Variants in PLCG2 observed in about 807,000 individuals in gnomAD.
The protein encoded by PLCG2 is 1-phosphatidylinositol 4,5-bisphosphate phosphodiesterase gamma-2.
A neutral mutation model predicts 175.6 loss-of-function variants in PLCG2; 69 were observed. The observed-to-expected ratio is 0.39, with a 90% CI of 0.32 to 0.48. The LOEUF (loss-of-function observed/expected upper bound fraction) is 0.48, where lower values mean the gene tolerates loss of function less well. Ranked by LOEUF, PLCG2 falls within the 20% of genes least tolerant of loss-of-function variation. The pLI is 0.91. For missense variants in PLCG2, 1,798 were observed against 1,650.9 expected, an observed-to-expected ratio of 1.09 and a Z score of -1.54; for synonymous variants, 827 against 624.0, an observed-to-expected ratio of 1.33 and a Z score of -4.85.
intron 7 of PLCG2, among the ~76,000 whole-genome samples, chr16:81,877,136 G>A (rs923066307): frequency 6.6e-6 from 1 of 152,204 alleles, no homozygotes; most frequent in Non-Finnish European, 1.5e-5. Context: ...GGCCGCTGTG[G>A]CAAGTACTGC....
rs1911732818 is a variant in PLCG2, at chr16:81,960,245, T to C, written c.*2247T>C. The C allele has an allele frequency of 9.1e-6, 2 of 220,246 alleles. No homozygotes were observed. The highest frequency in any genetic ancestry group is 2.2e-5 in the African/African-American group (1 of 44,598). 13.6% of individuals were successfully genotyped at this position (220,246 alleles called of 1,614,324 possible). ...CTGATTCTCTCAGGAAAGGCACACA[T>C]GGTATGATGGCTCTTCCCAGAGTCT... is the stretch of plus-strand genomic sequence containing the variant. On this transcript the variant is annotated 3_prime_UTR_variant, in exon 33 of 33. Coordinates refer to ENST00000564138, the MANE Select transcript of PLCG2 (RefSeq NM_002661.5).
chr16:81,828,029 G>C (rs12599032), intron 2 of PLCG2, among the ~76,000 whole-genome samples: 51,689 of 145,834 alleles, frequency 0.35, 9,601 homozygotes, highest in African/African-American at 0.49. Flanking sequence ...GGCGGAGCTT[G>C]CACTGAGCCG....
intron 30 of PLCG2, among the ~76,000 whole-genome samples, chr16:81,944,073 G>A (rs937351839): frequency 1.3e-5 from 2 of 152,202 alleles, no homozygotes. Context: ...ATATAAATTT[G>A]TACATTTCCT....
intron 5 of PLCG2, among the ~76,000 whole-genome samples, chr16:81,867,350 T>C (rs1204724857): frequency 1.3e-5 from 2 of 152,230 alleles, no homozygotes; most frequent in African/African-American, 4.8e-5. Flanking sequence ...TCTCATATTC[T>C]TGACCCACCC....
intron 2 of PLCG2, among the ~76,000 whole-genome samples, chr16:81,816,680 T>TAG (rs1904566808): frequency 7.6e-6 from 1 of 131,042 alleles, no homozygotes; most frequent in Admixed American, 7.8e-5. Context: ...TTTTTTTTTT[T>TAG]TAGTAGAGGT....
chr16:81,828,530 A>T (rs1337609138), intron 2 of PLCG2, among the ~76,000 whole-genome samples: 1 of 151,930 alleles, frequency 6.6e-6, no homozygotes, highest in African/African-American at 2.4e-5. Flanking sequence ...GAGCCACCGC[A>T]CCCGGCCGAG....
At chr16:81,866,230 C>T (rs1907228063) in intron 5 of PLCG2, among the ~76,000 whole-genome samples, 1 of 121,204 alleles carries the variant, frequency 8.3e-6, no homozygotes, top group African/African-American at 3.3e-5. Flanking sequence ...GGACGCTGGC[C>T]TCTCCCTTGC....
At position 81,800,323 on chromosome 16, in the gene PLCG2, C is replaced by A. The variant is rs540824922; in HGVS notation, c.193+14141C>A. The stretch of plus-strand genomic sequence containing the variant: ...ATCAGCTCATCACCTAGATATTAAG[C>A]CCTGCATGTATTAGCTATTTATTCT... On this transcript the variant is annotated intron_variant, in intron 2 of 32. Coordinates refer to ENST00000564138, the MANE Select transcript of PLCG2 (RefSeq NM_002661.5). 2.6e-5 allele frequency among the ~76,000 whole-genome samples: 4 copies of A among 152,298 alleles called. No individual in the cohort carries two copies. In the East Asian group the frequency reaches 5.8e-4, roughly 22 times the overall value.
At chr16:81,835,955 C>G (rs1272339811) in intron 2 of PLCG2, among the ~76,000 whole-genome samples, 1 of 152,192 alleles carries the variant, frequency 6.6e-6, no homozygotes, top group Non-Finnish European at 1.5e-5. Context: ...AGGACCCACC[C>G]TAATCCAGCA....
At chr16:81,815,551 C>G (rs998722802) in intron 2 of PLCG2, among the ~76,000 whole-genome samples, 1 of 152,198 alleles carries the variant, frequency 6.6e-6, no homozygotes, top group African/African-American at 2.4e-5. Flanking sequence ...GCTCTGTTGA[C>G]TACTCAGCCT....
At chr16:81,929,342 C>A (rs572817149) in intron 24 of PLCG2, among the ~76,000 whole-genome samples, 1 of 152,340 alleles carries the variant, frequency 6.6e-6, no homozygotes, top group East Asian at 1.9e-4. Context: ...GTGACAGCAG[C>A]CCCAGGAACT....
At chr16:81,835,045 G>T (rs1484313306) in intron 2 of PLCG2, among the ~76,000 whole-genome samples, 1 of 144,450 alleles carries the variant, frequency 6.9e-6, no homozygotes, top group Middle Eastern at 3.4e-3. Context: ...GTGGGAGGAG[G>T]TGGAGGTACC....
chr16:81,769,217 T>TA (rs1172144942), intron 2 of PLCG2, among the ~76,000 whole-genome samples: 1 of 152,170 alleles, frequency 6.6e-6, no homozygotes, highest in Non-Finnish European at 1.5e-5. Flanking sequence ...TTGCCGCAGG[T>TA]AAAACCCCCT....
chr16:81,869,199 C>A lies in PLCG2; in HGVS notation c.480-15C>A. 1.2e-6 allele frequency: 2 copies of A among 1,608,592 alleles called. No homozygotes were observed. The highest frequency in any genetic ancestry group is 1.7e-6 in the Non-Finnish European group (2 of 1,174,942). ...AACCCTCAAGGTGACAGAACTGGGT[C>A]TCCCTCTTTTGCAGCATCAGTCTCC... On this transcript the variant is annotated splice_polypyrimidine_tract_variant and intron_variant, in intron 5 of 32. Coordinates refer to ENST00000564138, the MANE Select transcript of PLCG2 (RefSeq NM_002661.5).
upstream of PLCG2, among the ~76,000 whole-genome samples, chr16:81,778,336 C>G (rs1019073898): frequency 2.0e-5 from 3 of 152,140 alleles, no homozygotes; most frequent in Non-Finnish European, 4.4e-5. Context: ...CACCACTGCA[C>G]TCCAGCCTGG....
chr16:81,843,450 A>G (rs1196455640), intron 2 of PLCG2, among the ~76,000 whole-genome samples: 5 of 152,236 alleles, frequency 3.3e-5, no homozygotes, highest in Non-Finnish European at 7.3e-5. Flanking sequence ...ACATCATATT[A>G]CACAGAGACA....
chr16:81,948,071 G>A (rs780457867), intron 31 of PLCG2, among the ~76,000 whole-genome samples: 5 of 140,024 alleles, frequency 3.6e-5, no homozygotes, highest in Non-Finnish European at 6.7e-5. Flanking sequence ...TCAAGTCGTT[G>A]GCAGTTCTTT....
rs750365449 is a variant in PLCG2, at chr16:81,959,427, A to G, written c.*1429A>G. The G allele has an allele frequency of 3.2e-4, 71 of 220,832 alleles. No individual in the cohort carries two copies. The Middle Eastern group carries it at 5.7e-3, about 18-fold the overall frequency. The allele number at this position is 220,832 out of a possible 1,614,324, so 13.7% of individuals were successfully genotyped here. A position where few individuals can be genotyped will look rare whatever the true frequency, so the allele number is the denominator to read the frequency against. On this transcript the variant is annotated 3_prime_UTR_variant, in exon 33 of 33. Coordinates refer to ENST00000564138, the MANE Select transcript of PLCG2 (RefSeq NM_002661.5). ...TACTGATCACCTCCACATGCCAAAT[A>G]CAGTGCCAAGATTTGGGGGTGTGGA...
intron 24 of PLCG2, among the ~76,000 whole-genome samples, chr16:81,930,455 T>A (rs570040878): frequency 6.6e-6 from 1 of 152,160 alleles, no homozygotes; most frequent in Non-Finnish European, 1.5e-5. Flanking sequence ...CATCTGTTTT[T>A]AAAGCCATTT....
Sources: gnomAD v4.1 joint callset for allele counts (sites outside exome capture counted in the v4.1 genomes callset) on GRCh38, gnomAD v4.1.1 for gene constraint, MANE v1.5 for transcripts, NCBI Gene and HGNC (gene_info 2026-07-23, HGNC 2026-07-21) for gene names.